Variants in FRMD4A observed in about 807,000 individuals in gnomAD.
FRMD4A encodes FERM domain-containing protein 4A.
FRMD4A carries 29 observed loss-of-function variants against 129.1 expected under a neutral mutation model. That is an observed-to-expected ratio of 0.22 (90% CI 0.17 to 0.31). The LOEUF is 0.31. Ranked by LOEUF, FRMD4A falls within the 10% of genes least tolerant of loss-of-function variation. The pLI is 1.00. For synonymous variants in FRMD4A, 634 were observed against 571.6 expected (o/e 1.11, Z -1.56); for missense variants, 1,272 against 1,375.8 (o/e 0.92, Z 1.19).
intron 2 of FRMD4A, among the ~76,000 whole-genome samples, chr10:14,081,883 C>T (rs1835948497): frequency 6.6e-6 from 1 of 152,224 alleles, no homozygotes; most frequent in Admixed American, 6.5e-5. Context: ...CTATTTAACA[C>T]ATCACTTTTA....
intron 12 of FRMD4A, among the ~76,000 whole-genome samples, chr10:13,730,094 G>C (rs1222531357): frequency 1.3e-5 from 2 of 152,090 alleles, no homozygotes; most frequent in African/African-American, 4.8e-5. Flanking sequence ...GCAGGTCTGG[G>C]GACTGTGCAA....
intron 12 of FRMD4A, chr10:13,707,577 C>T (rs2087594041): frequency 1.0e-6 from 1 of 989,558 alleles, no homozygotes; most frequent in Non-Finnish European, 1.2e-6. Flanking sequence ...TGAGCTTCCT[C>T]CCCTCCAGTG....
chr10:13,855,143 A>G (rs1191480677), intron 3 of FRMD4A, among the ~76,000 whole-genome samples: 1 of 152,212 alleles, frequency 6.6e-6, no homozygotes, highest in Admixed American at 6.5e-5. Flanking sequence ...AGCATGAAAC[A>G]TTAGGATGAC....
chr10:13,945,405 G>T (rs1870747), intron 2 of FRMD4A, among the ~76,000 whole-genome samples: 1 of 152,058 alleles, frequency 6.6e-6, no homozygotes, highest in East Asian at 1.9e-4. Flanking sequence ...ATGACAGACC[G>T]GGGAAAGGGG....
intron 2 of FRMD4A, among the ~76,000 whole-genome samples, chr10:14,044,802 C>T (rs1215664583): frequency 6.6e-6 from 1 of 152,216 alleles, no homozygotes; most frequent in Non-Finnish European, 1.5e-5. Context: ...CCATAACCTT[C>T]ATAGAACATT....
intron 3 of FRMD4A, among the ~76,000 whole-genome samples, chr10:13,813,939 C>T (rs540917151): frequency 6.6e-6 from 1 of 152,178 alleles, no homozygotes; most frequent in Non-Finnish European, 1.5e-5. Context: ...TGATTGCTAC[C>T]GCTTTCAAAG....
chr10:14,169,300 G>C (rs1345141586), intron 2 of FRMD4A, among the ~76,000 whole-genome samples: 1 of 151,930 alleles, frequency 6.6e-6, no homozygotes, highest in Non-Finnish European at 1.5e-5. Context: ...AATGCCTCCT[G>C]GTTCCTACTT....
chr10:13,873,714 T>G (rs969624095), intron 2 of FRMD4A, among the ~76,000 whole-genome samples: 1 of 151,890 alleles, frequency 6.6e-6, no homozygotes, highest in Non-Finnish European at 1.5e-5. Context: ...GCCCCACTAA[T>G]TTTTGTATTT....
At chr10:13,653,880 TTTG>T (rs2081902933) in intron 23 of FRMD4A, 1 of 162,696 alleles carries the variant, frequency 6.1e-6, no homozygotes, top group Non-Finnish European at 1.3e-5. Flanking sequence ...TTTCATTAAT[TTTG>T]TTGTGTGCAG....
chr10:13,871,538 C>T (rs748929143), intron 2 of FRMD4A, among the ~76,000 whole-genome samples: 30 of 152,176 alleles, frequency 2.0e-4, no homozygotes, highest in Non-Finnish European at 2.9e-4. Flanking sequence ...AATAAAACCA[C>T]GAACATCTTC....
chr10:14,005,482 T>C (rs2095659025), intron 2 of FRMD4A, among the ~76,000 whole-genome samples: 1 of 152,206 alleles, frequency 6.6e-6, no homozygotes, highest in Admixed American at 6.5e-5. Flanking sequence ...CAACTCAACC[T>C]CTAGCAGTTG....
intron 3 of FRMD4A, among the ~76,000 whole-genome samples, chr10:13,814,400 C>A (rs537924001): frequency 6.6e-6 from 1 of 150,902 alleles, no homozygotes; most frequent in African/African-American, 2.4e-5. Context: ...ATAGCAAGAC[C>A]CCATCTCTAC....
chr10:13,720,430 G>A lies in FRMD4A; in HGVS notation c.760-13317C>T, dbSNP rs570318119. Among the ~76,000 whole-genome samples, 13 of 152,232 alleles carry A rather than the reference G, an allele frequency of 8.5e-5. No individual in the cohort carries two copies. The East Asian group carries it at 2.3e-3, about 27-fold the overall frequency. ...GAGTCTGTGAAATTAGCAGTGGGTC[G>A]CAAAAATGATTAGATATTCTGCTCC... is the stretch of plus-strand genomic sequence containing the variant. On this transcript the variant is annotated intron_variant, in intron 12 of 24. Transcript: ENST00000357447.
chr10:14,297,521 T>C lies in FRMD4A; in HGVS notation c.45+32537A>G, dbSNP rs892398227. Among the ~76,000 whole-genome samples, 46 of 152,238 alleles carry C rather than the reference T, an allele frequency of 3.0e-4. 1 individual carries two copies. The highest frequency in any genetic ancestry group is 9.6e-4 in the African/African-American group (40 of 41,544). ...GAATCACTCCAGGAAACTTCATTTG[T>C]GAGGTGAACAAATATTGTCTTCAAT... On this transcript the variant is annotated intron_variant, in intron 2 of 24. Transcript: ENST00000357447.
At chr10:14,088,132 A>G (rs1836403887) in intron 2 of FRMD4A, among the ~76,000 whole-genome samples, 2 of 152,100 alleles carry the variant, frequency 1.3e-5, no homozygotes, top group Admixed American at 6.5e-5. Context: ...GGGGAAGAAA[A>G]TAGGGCTGTT....
At position 13,651,670 on chromosome 10, in the gene FRMD4A, CTCAAAACAAAACATACTCTGGG is replaced by C. The variant is rs1320301081; in HGVS notation, c.*2+211_*2+232del. 9.5e-6 allele frequency: 5 copies of C among 529,020 alleles called. No homozygotes were observed. The African/African-American group carries it at 9.6e-5, about 10-fold the overall frequency. 32.8% of individuals were successfully genotyped at this position (529,020 alleles called of 1,614,324 possible). A position where few individuals can be genotyped will look rare whatever the true frequency, so the allele number is the denominator to read the frequency against. ...CCTGGGCAACAGAACAAGACTCTGT[CTCAAAACAAAACATACTCTGGG>C]GGTCTTTTCTGGGAAGCAGTGTTAG... On this transcript the variant is annotated intron_variant, in intron 24 of 24. Transcript: ENST00000357447.
chr10:14,004,994 G>A (rs1020859), intron 2 of FRMD4A, among the ~76,000 whole-genome samples: 29,183 of 151,356 alleles, frequency 0.19, 3,395 homozygotes, highest in East Asian at 0.46. Flanking sequence ...CATACCAAAC[G>A]TGGCATTTTA....
intron 9 of FRMD4A, among the ~76,000 whole-genome samples, chr10:13,743,762 A>ACATGG (rs2091142023): frequency 6.6e-6 from 1 of 151,992 alleles, no homozygotes; most frequent in Non-Finnish European, 1.5e-5. Context: ...GCCCCCTTAA[A>ACATGG]CATGGTGGGC....
intron 2 of FRMD4A, among the ~76,000 whole-genome samples, chr10:13,901,814 C>G (rs942090058): frequency 1.3e-5 from 2 of 152,124 alleles, no homozygotes; most frequent in Non-Finnish European, 2.9e-5. Flanking sequence ...GGCGAGTGAG[C>G]TTCTCAGAGC....
Sources: gnomAD v4.1 joint callset for allele counts (sites outside exome capture counted in the v4.1 genomes callset) on GRCh38, gnomAD v4.1.1 for gene constraint, MANE v1.5 for transcripts, NCBI Gene and HGNC (gene_info 2026-07-23, HGNC 2026-07-21) for gene names.